Variants in GRIA4 observed in about 807,000 individuals in gnomAD.
GRIA4 encodes the protein glutamate ionotropic receptor AMPA type subunit 4.
In GRIA4, 34 loss-of-function variants were observed where a neutral mutation model predicts 104.0. That is an observed-to-expected ratio of 0.33 (90% CI 0.25 to 0.44). GRIA4 has a LOEUF of 0.44. GRIA4 is among the 20% of genes least tolerant of loss of function. GRIA4 has a pLI of 1.00. For missense variants in GRIA4, 750 were observed against 1,096.5 expected, an observed-to-expected ratio of 0.68 and a Z score of 4.46; for synonymous variants, 386 against 381.9, an observed-to-expected ratio of 1.01 and a Z score of -0.13.
chr11:105,832,839 C>CT (rs1944027182), intron 4 of GRIA4, among the ~76,000 whole-genome samples: 1 of 151,906 alleles, frequency 6.6e-6, no homozygotes, highest in African/African-American at 2.4e-5. Flanking sequence ...TGGTGTACGG[C>CT]TTTCAGAATA....
chr11:105,683,599 T>C (rs974239374), intron 3 of GRIA4, among the ~76,000 whole-genome samples: 2 of 152,196 alleles, frequency 1.3e-5, no homozygotes, highest in Admixed American at 6.5e-5. Context: ...TAATTTCATT[T>C]GTTATTTGTA....
intron 4 of GRIA4, among the ~76,000 whole-genome samples, chr11:105,811,969 C>G (rs899097367): frequency 3.3e-5 from 5 of 152,134 alleles, no homozygotes; most frequent in African/African-American, 1.2e-4. Flanking sequence ...CTCCCCCATG[C>G]TTTTTAGGAA....
intron 4 of GRIA4, among the ~76,000 whole-genome samples, chr11:105,845,146 G>T (rs1453611083): frequency 3.9e-5 from 6 of 152,162 alleles, no homozygotes; most frequent in Admixed American, 6.5e-5. Flanking sequence ...TGAAATTTCA[G>T]CCAGATGGTC....
chr11:105,777,572 T>A (rs1289401977), intron 4 of GRIA4, among the ~76,000 whole-genome samples: 1 of 152,178 alleles, frequency 6.6e-6, no homozygotes, highest in Non-Finnish European at 1.5e-5. Flanking sequence ...ATCTTTAAAA[T>A]TGTTTCAATG....
At chr11:105,839,368 A>G (rs1355897145) in intron 4 of GRIA4, among the ~76,000 whole-genome samples, 2 of 151,130 alleles carry the variant, frequency 1.3e-5, no homozygotes, top group Non-Finnish European at 1.5e-5. Context: ...TATGCCTTCC[A>G]TTATGTTTAC....
chr11:105,687,833 C>T (rs1284702209), intron 3 of GRIA4, among the ~76,000 whole-genome samples: 1 of 152,134 alleles, frequency 6.6e-6, no homozygotes, highest in Non-Finnish European at 1.5e-5. Context: ...ATCATTTCAT[C>T]TCTAAAATGC....
chr11:105,971,484 T>TAAA (rs1858688226), intron 14 of GRIA4, among the ~76,000 whole-genome samples: 2 of 152,170 alleles, frequency 1.3e-5, no homozygotes, highest in Admixed American at 1.3e-4. Flanking sequence ...TACCATAAGC[T>TAAA]GAATCATAAT....
At chr11:105,741,390 A>G (rs1178232877) in intron 3 of GRIA4, among the ~76,000 whole-genome samples, 2 of 152,206 alleles carry the variant, frequency 1.3e-5, no homozygotes, top group Non-Finnish European at 2.9e-5. Context: ...AATATTAACC[A>G]TGGGAGCTTT....
intron 12 of GRIA4, 131 bp from the exon 13 acceptor site, chr11:105,926,610 A>T: frequency 1.6e-6 from 1 of 644,506 alleles, no homozygotes; most frequent in Non-Finnish European, 2.8e-6. Context: ...ATTCTTGAGC[A>T]GACTCTCAGA....
chr11:105,701,550 G>A (rs1197929599), intron 3 of GRIA4, among the ~76,000 whole-genome samples: 1 of 151,990 alleles, frequency 6.6e-6, no homozygotes, highest in Non-Finnish European at 1.5e-5. Flanking sequence ...TCCATTATAG[G>A]AGAGAGTGCA....
rs1357228236 is a variant in GRIA4 at position 105,688,134 on chromosome 11, ATATCTATATCTATATCTATATC to A, written c.248-64845_248-64824del. Reference sequence around the variant, plus strand: ...TATATCTATATCTATATCTATATCTATATCTATATCTATATCTATATCTCTATCTATCTATCTATCTATCTAT... The same window carrying A: ...TATATCTATATCTATATCTATATCTATCTATCTATCTATCTATCTATCTAT... On this transcript the variant is annotated intron_variant, in intron 3 of 16. Coordinates refer to ENST00000282499, the MANE Select transcript of GRIA4 (RefSeq NM_000829.4). 5.1e-5 allele frequency among the ~76,000 whole-genome samples: 4 copies of A among 78,240 alleles called. No homozygotes were observed. In the Admixed American group the frequency reaches 6.4e-4, roughly 13 times the overall value. 51.3% of individuals were successfully genotyped at this position (78,240 alleles called of 152,430 possible).
At chr11:105,686,124 A>T (rs1952874230) in intron 3 of GRIA4, among the ~76,000 whole-genome samples, 1 of 152,036 alleles carries the variant, frequency 6.6e-6, no homozygotes, top group Non-Finnish European at 1.5e-5. Context: ...TGTTACCTGG[A>T]AATATTTTGT....
intron 14 of GRIA4, 62 bp downstream of exon 14, chr11:105,934,031 G>A: frequency 7.6e-7 from 1 of 1,316,716 alleles, no homozygotes; most frequent in Non-Finnish European, 1.1e-6. Flanking sequence ...TCCCTGATGT[G>A]CCTGAGAGAA....
In GRIA4 at chr11:105,888,200, T is replaced by G. The variant is rs564291287; in HGVS notation, c.726+628T>G. On this transcript the variant is annotated intron_variant, in intron 6 of 16. Coordinates refer to ENST00000282499, the MANE Select transcript of GRIA4 (RefSeq NM_000829.4). ...CGGCCCAGCCTCTCTTGCTTTATTA[T>G]AGAGTACCATTTGCCCTAAGGGCCT... 5.3e-5 allele frequency among the ~76,000 whole-genome samples: 8 copies of G among 150,862 alleles called. No homozygotes were observed. The East Asian group carries it at 1.6e-3, about 30-fold the overall frequency.
At chr11:105,931,951 A>G (rs2136208259) in intron 13 of GRIA4, among the ~76,000 whole-genome samples, 1 of 152,186 alleles carries the variant, frequency 6.6e-6, no homozygotes, top group East Asian at 1.9e-4. Flanking sequence ...GTTGAATTCT[A>G]TATTTTGGTA....
At chr11:105,725,369 C>T (rs973239872) in intron 3 of GRIA4, among the ~76,000 whole-genome samples, 4 of 152,026 alleles carry the variant, frequency 2.6e-5, no homozygotes, top group African/African-American at 7.2e-5. Flanking sequence ...ACAACACAAA[C>T]GTGAATGGCA....
Position 105,981,866 on chromosome 11 carries a change from C to G in GRIA4, c.*2127C>G, listed in dbSNP as rs1859264501. On this transcript the variant is annotated 3_prime_UTR_variant, in exon 17 of 17. Transcript: ENST00000282499. ...AAAAGATTTCCATGGCTATCCACCA[C>G]CCCCCTGCCTGTGAGACTGAGTTAG... 6.5e-6 allele frequency: 1 copy of G among 152,710 alleles called. No homozygotes were observed. The highest frequency in any genetic ancestry group is 1.5e-5 in the Non-Finnish European group (1 of 68,194). The allele number at this position is 152,710 out of a possible 1,614,324, so 9.5% of individuals were successfully genotyped here.
intron 4 of GRIA4, among the ~76,000 whole-genome samples, chr11:105,775,203 G>A (rs7933863): frequency 0.45 from 68,892 of 151,718 alleles, 16,046 homozygotes; most frequent in Middle Eastern, 0.52. Flanking sequence ...CAATTGTGAC[G>A]ACAGAGCCAC....
chr11:105,684,928 T>C (rs1952827091), intron 3 of GRIA4, among the ~76,000 whole-genome samples: 1 of 152,060 alleles, frequency 6.6e-6, no homozygotes, highest in African/African-American at 2.4e-5. Context: ...GTATTATTTC[T>C]CATAAATTGT....
Sources: allele counts gnomAD v4.1 joint callset (sites outside exome capture counted in the v4.1 genomes callset), GRCh38; gene constraint gnomAD v4.1.1; transcripts MANE v1.5; gene names NCBI Gene and HGNC (gene_info 2026-07-23, HGNC 2026-07-21).